The following UQCC1 variants were observed in gnomAD, a reference collection of about 807,000 sequenced individuals.
The protein encoded by UQCC1 is bFGF-repressed Zic-binding protein.
A neutral mutation model predicts 48.0 loss-of-function variants in UQCC1; 38 were observed. The ratio of observed to expected loss-of-function variants is 0.79; its 90% CI spans 0.61 to 1.04. The LOEUF (loss-of-function observed/expected upper bound fraction) is 1.04. UQCC1 is among the 50% of genes least tolerant of loss of function. UQCC1 has a pLI of 0.00. For missense variants in UQCC1, 368 were observed against 381.8 expected (o/e 0.96, Z 0.30); for synonymous variants, 111 against 129.2 (o/e 0.86, Z 0.95).
At chr20:35,390,675 G>T (rs991670295) in intron 2 of UQCC1, among the ~76,000 whole-genome samples, 3 of 150,546 alleles carry the variant, frequency 2.0e-5, no homozygotes, top group African/African-American at 7.3e-5. Context: ...ATGTGAAATG[G>T]GTATCTGCAC....
rs190280791 is a variant in UQCC1, at chr20:35,329,354, G to C, written c.574-14589C>G. 3.9e-5 allele frequency among the ~76,000 whole-genome samples: 6 copies of C among 152,228 alleles called. No homozygotes were observed. In the East Asian group the frequency reaches 9.6e-4, roughly 24 times the overall value. The stretch of plus-strand genomic sequence containing the variant: ...GTAGGACAGTTGAGGCCCTGATAGT[G>C]GTTGTTTTAAAGAAGGGCTCCTTAT... On this transcript the variant is annotated intron_variant, in intron 7 of 9. Coordinates refer to ENST00000374385, the MANE Select transcript of UQCC1 (RefSeq NM_018244.5).
intron 7 of UQCC1, among the ~76,000 whole-genome samples, chr20:35,332,476 T>C (rs929000421): frequency 6.6e-6 from 1 of 152,240 alleles, no homozygotes; most frequent in Non-Finnish European, 1.5e-5. Context: ...TGCAGTACGG[T>C]ATCCTTTTCT....
chr20:35,341,465 G>A (rs535228590), intron 7 of UQCC1, among the ~76,000 whole-genome samples: 96 of 152,184 alleles, frequency 6.3e-4, no homozygotes, highest in Non-Finnish European at 1.3e-3. Context: ...ACTTTTTCCA[G>A]TACTCATTCT....
At chr20:35,362,720 G>A (rs1242059757) in intron 6 of UQCC1, among the ~76,000 whole-genome samples, 1 of 151,946 alleles carries the variant, frequency 6.6e-6, no homozygotes, top group South Asian at 2.1e-4. Context: ...ATGTGTGTGC[G>A]TGTGTGTGTG....
intron 6 of UQCC1, among the ~76,000 whole-genome samples, chr20:35,357,249 A>C (rs8116530): frequency 6.6e-6 from 1 of 152,118 alleles, no homozygotes; most frequent in Non-Finnish European, 1.5e-5. Flanking sequence ...GGCCGGGCGC[A>C]GTGGCTCACG....
chr20:35,404,983 C>T (rs1367735328), intron 1 of UQCC1, among the ~76,000 whole-genome samples: 1 of 152,188 alleles, frequency 6.6e-6, no homozygotes, highest in African/African-American at 2.4e-5. Context: ...AAGCCATGAA[C>T]ATACCCAGGT....
chr20:35,322,427 A>G (rs548131495), intron 7 of UQCC1, among the ~76,000 whole-genome samples: 1 of 152,332 alleles, frequency 6.6e-6, no homozygotes, highest in Non-Finnish European at 1.5e-5. Context: ...ATAAACAAGG[A>G]AACAGAAGCT....
At chr20:35,314,805 G>A (rs1419964130) in intron 7 of UQCC1, 40 bp from the exon 8 acceptor site, 1 of 1,545,076 alleles carries the variant, frequency 6.5e-7, no homozygotes, top group Non-Finnish European at 8.8e-7. Flanking sequence ...TTGAAAGAAA[G>A]AAAGAAAAAA....
intron 8 of UQCC1, among the ~76,000 whole-genome samples, chr20:35,307,629 T>C (rs149709508): frequency 9.2e-5 from 14 of 152,242 alleles, no homozygotes; most frequent in Non-Finnish European, 2.1e-4. Context: ...GTGGAATCGA[T>C]GTGCTGACTT....
chr20:35,333,801 T>C (rs1314597673), intron 7 of UQCC1, among the ~76,000 whole-genome samples: 1 of 152,234 alleles, frequency 6.6e-6, no homozygotes, highest in East Asian at 1.9e-4. Context: ...GTGAAAACTC[T>C]TGGCTGCAAC....
At position 35,303,953 on chromosome 20, in the gene UQCC1, G is replaced by GT. The variant is rs756666343; in HGVS notation, c.881dup (p.Tyr294Ter). The change falls in exon 10 of 10, where the codon TAC (tyrosine) becomes TAAC (stop). Residue 294 changes from tyrosine to a stop codon, truncating the protein, a stop_gained and frameshift_variant. Transcript: ENST00000374385. LOFTEE classifies it high-confidence loss of function. ...QSILKPHSPT[Y>*]NDEGL The stretch of plus-strand genomic sequence containing the variant: ...CAGCCCATCAAAGTCCCTCGTCGTT[G>GT]TAAGTCGGAGAATGGGGCTTCAGGA... 8 of 1,614,110 alleles carry GT rather than the reference G, an allele frequency of 5.0e-6. No individual in the cohort carries two copies. In the East Asian group the frequency reaches 8.9e-5, roughly 18 times the overall value.
chr20:35,389,032 C>T (rs745343860), intron 2 of UQCC1, among the ~76,000 whole-genome samples: 2 of 151,854 alleles, frequency 1.3e-5, no homozygotes, highest in African/African-American at 2.4e-5. Flanking sequence ...CACCACTGCA[C>T]TCCCACCTGG....
intron 6 of UQCC1, among the ~76,000 whole-genome samples, chr20:35,352,980 C>A (rs1313707294): frequency 1.3e-5 from 2 of 151,838 alleles, no homozygotes; most frequent in African/African-American, 4.8e-5. Context: ...GCGCCCAGCT[C>A]TATGTCTTAA....
chr20:35,383,629 C>T (rs982633148), intron 3 of UQCC1, among the ~76,000 whole-genome samples: 4 of 151,830 alleles, frequency 2.6e-5, no homozygotes, highest in Admixed American at 6.6e-5. Flanking sequence ...GCAGGAGGAT[C>T]GCTTGAAGCC....
At chr20:35,390,391 C>A (rs1248470366) in intron 2 of UQCC1, among the ~76,000 whole-genome samples, 1 of 147,824 alleles carries the variant, frequency 6.8e-6, no homozygotes, top group African/African-American at 2.5e-5. Flanking sequence ...CACTGCATTC[C>A]AGCCTGGGCG....
intron 5 of UQCC1, among the ~76,000 whole-genome samples, chr20:35,371,143 CATG>C (rs2061725324): frequency 1.3e-5 from 2 of 152,078 alleles, no homozygotes; most frequent in South Asian, 4.1e-4. Flanking sequence ...TGAATTGAAA[CATG>C]ATATGTTAAA....
chr20:35,323,138 C>T (rs34495937), intron 7 of UQCC1, among the ~76,000 whole-genome samples: 53,523 of 152,048 alleles, frequency 0.35, 9,774 homozygotes, highest in African/African-American at 0.43. Context: ...TGAGCCACCG[C>T]GCCCGGCCCC....
rs1420921375 is a variant in UQCC1 at position 35,367,101 on chromosome 20, A to AAC, written c.407-488_407-487insGT. Among the ~76,000 whole-genome samples the AAC allele has an allele frequency of 7.6e-4, 115 of 150,774 alleles. 2 individuals are homozygous for AAC. The highest frequency in any genetic ancestry group is 1.5e-3 in the Non-Finnish European group (104 of 67,648). ...AGAGTGAGACTCTGTCTAAAAAAAA[A>AAC]AAAAAAAACAAACAAAAAAACAACC... On this transcript the variant is annotated intron_variant, in intron 5 of 9. Transcript: ENST00000374385.
chr20:35,373,687 C>CAAAAA (rs5841203), intron 5 of UQCC1, among the ~76,000 whole-genome samples: 3 of 86,274 alleles, frequency 3.5e-5, no homozygotes, highest in Admixed American at 1.3e-4. Context: ...GACTCCATCT[C>CAAAAA]AAAAAAAAAA....
Sources: allele counts gnomAD v4.1 joint callset (sites outside exome capture counted in the v4.1 genomes callset), GRCh38; gene constraint gnomAD v4.1.1; transcripts MANE v1.5; gene names NCBI Gene and HGNC (gene_info 2026-07-23, HGNC 2026-07-21).